DENND1C: variants seen among roughly 807,000 people sequenced by gnomAD.
DENND1C encodes DENN domain containing 1C, also known as DENN domain-containing protein 1C.
A neutral mutation model predicts 87.9 loss-of-function variants in DENND1C; 64 were observed. That is an observed-to-expected ratio of 0.73 (90% CI 0.60 to 0.90). The LOEUF is 0.90. Ranked by LOEUF, DENND1C falls within the 40% of genes least tolerant of loss-of-function variation. DENND1C has a pLI of 0.00. For synonymous variants in DENND1C, 384 were observed against 424.4 expected, an observed-to-expected ratio of 0.90 and a Z score of 1.17; for missense variants, 980 against 1,037.0, an observed-to-expected ratio of 0.95 and a Z score of 0.76.
In DENND1C at chr19:6,480,507, TATCC is replaced by T. The variant is rs755927403; in HGVS notation, c.18-460_18-457del. ...ATCTGTCTGTCTGTCTGTCTCTGTC[TATCC>T]ATCCATCCATCCATCCACCCACCCA... is the stretch of plus-strand genomic sequence containing the variant. On this transcript the variant is annotated intron_variant, in intron 1 of 22. Coordinates refer to ENST00000381480, the MANE Select transcript of DENND1C (RefSeq NM_024898.4). 171 of 979,892 alleles carry T rather than the reference TATCC, an allele frequency of 1.7e-4. 1 individual carries two copies. The highest frequency in any genetic ancestry group is 6.8e-4 in the East Asian group (6 of 8,786). 60.7% of individuals were successfully genotyped at this position (979,892 alleles called of 1,614,324 possible).
intron 6 of DENND1C, 130 bp from the exon 7 acceptor site, chr19:6,477,588 TTC>T: frequency 3.4e-5 from 12 of 353,976 alleles, no homozygotes; most frequent in East Asian, 4.0e-5. Context: ...GTTTTTTTTT[TTC>T]TTTCTTTAAA....
At position 6,471,418 on chromosome 19, in the gene DENND1C, C is replaced by A. The variant is rs201113925; in HGVS notation, c.1237G>T (p.Gly413Trp). The A allele has an allele frequency of 1.3e-6, 2 of 1,586,006 alleles. No homozygotes were observed. The highest frequency in any genetic ancestry group is 1.1e-5 in the South Asian group (1 of 87,280). ...ACTCAGGGCTCACCTGAGGAGGCCC[C>A]GCAGCCAGTGATCTCCTGCTCGAAT... ...DQFEQEITGC[G>W]ASSGALRSYQ... Residue 413 changes from glycine to tryptophan, a missense_variant, in exon 16 of 23, where the codon GGG becomes TGG. Physicochemically the swap from Gly to Trp is radical, Grantham distance 184 (BLOSUM62 -2). Transcript: ENST00000381480.
chr19:6,479,196 T>C (rs1599391876), intron 4 of DENND1C, 140 bp from the exon 5 acceptor site: 1 of 1,235,778 alleles, frequency 8.1e-7, no homozygotes, highest in Non-Finnish European at 1.1e-6. Context: ...TCCCTGGGTC[T>C]CAGAATCCCT....
chr19:6,474,851 C>T (rs965285946), intron 14 of DENND1C, among the ~76,000 whole-genome samples: 1 of 151,980 alleles, frequency 6.6e-6, no homozygotes, highest in African/African-American at 2.4e-5. Flanking sequence ...GGCAGATCAC[C>T]TGAGGTCAGG....
rs563361614 is a variant in DENND1C, at chr19:6,481,529, C to T, written c.17+150G>A. The T allele has an allele frequency of 3.6e-5, 39 of 1,084,020 alleles. No homozygotes were observed. In the African/African-American group the frequency reaches 4.0e-4, roughly 11 times the overall value. The allele number at this position is 1,084,020 out of a possible 1,614,324, so 67.2% of individuals were successfully genotyped here. ...GCCTGTCCCAGAGTGAAGGTCATAG[C>T]GGAGGCCCATGGAGTATCTGATTCC... On this transcript the variant is annotated intron_variant, in intron 1 of 22. Coordinates refer to ENST00000381480, the MANE Select transcript of DENND1C (RefSeq NM_024898.4).
At chr19:6,477,629 A>AATC (rs2092870759) in intron 6 of DENND1C, 171 bp from the exon 7 acceptor site, 1 of 228,352 alleles carries the variant, frequency 4.4e-6, no homozygotes, top group Non-Finnish European at 8.2e-6. Flanking sequence ...TAATAATAAT[A>AATC]ATAGAGACAA....
At position 6,477,232 on chromosome 19, in the gene DENND1C, C is replaced by T. The variant is rs778412903; in HGVS notation, c.499G>A (p.Gly167Arg). Reference sequence around the variant, plus strand: ...GCCCCGCTCACCGGCTTGCTATTCCCCCGGGTAGGGGGGGGGATACCCTGC... The same window carrying T: ...GCCCCGCTCACCGGCTTGCTATTCCTCCGGGTAGGGGGGGGGATACCCTGC... Reference protein sequence around the residue: ...SGQGIPPPTRGNSKPLSCFVA... With the variant: ...SGQGIPPPTRRNSKPLSCFVA... Residue 167 changes from glycine to arginine, a missense_variant, in exon 8 of 23, where the codon GGG becomes AGG. Transcript: ENST00000381480. The T allele has an allele frequency of 3.1e-5, 49 of 1,584,996 alleles. 1 individual carries two copies. In the Admixed American group the frequency reaches 8.3e-4, roughly 27 times the overall value.
chr19:6,478,910 C>G (rs2092879291), intron 5 of DENND1C, 27 bp downstream of exon 5: 1 of 1,613,874 alleles, frequency 6.2e-7, no homozygotes, highest in Non-Finnish European at 8.5e-7. Context: ...CTTTCCCATC[C>G]CCCCCTCCAA....
chr19:6,473,136 T>C (rs1489992954), intron 14 of DENND1C, 143 bp from the exon 15 acceptor site: 1 of 563,642 alleles, frequency 1.8e-6, no homozygotes, highest in Non-Finnish European at 2.9e-6. Flanking sequence ...CAGGGAGGAC[T>C]TAAGCTGTTT....
In DENND1C at chr19:6,472,918, GC is replaced by G. The variant is rs1568396271; in HGVS notation, c.1128del (p.Arg377GlyfsTer53). ...KPGAPLQAFH[R>X]RAVHLQLFKQ... is the part of the protein sequence containing the mutation. ...TTGAACAGCTGCAGGTGCACAGCCC[GC>G]CGGTGGAAGGCCTGCAGAGGTGCCC... is the stretch of plus-strand genomic sequence containing the variant. On this transcript the variant is annotated frameshift_variant, in exon 15 of 23. Transcript: ENST00000381480. LOFTEE classifies it high-confidence loss of function. The G allele has an allele frequency of 1.3e-6, 2 of 1,589,072 alleles. No homozygotes were observed.
At chr19:6,478,908 T>TC (rs768080654) in intron 5 of DENND1C, 29 bp downstream of exon 5, 15 of 1,612,730 alleles carry the variant, frequency 9.3e-6, no homozygotes, top group African/African-American at 1.3e-5. Context: ...GCCTTTCCCA[T>TC]CCCCCCCTCC....
rs749763600 is a variant in DENND1C at position 6,475,305 on chromosome 19, C to G, written c.1022G>C (p.Gly341Ala). ...LFLKAQALLF[G>A]GYRDALVCSP... ...GCAGACGAGTGCGTCGCGGTACCCC[C>G]CGAAGAGCAGGGCCTGGGCTTTGAG... Residue 341 changes from glycine to alanine, a missense_variant, in exon 14 of 23, where the codon GGG becomes GCG. Gly to Ala is a moderately conservative substitution (Grantham distance 60, BLOSUM62 0). Coordinates refer to ENST00000381480, the MANE Select transcript of DENND1C (RefSeq NM_024898.4). 11 of 1,613,288 alleles carry G rather than the reference C, an allele frequency of 6.8e-6. No homozygotes were observed. The East Asian group carries it at 2.2e-4, about 33-fold the overall frequency.
chr19:6,468,678 G>A (rs2092810570), intron 20 of DENND1C, 33 bp from the exon 21 acceptor site: 3 of 1,453,920 alleles, frequency 2.1e-6, no homozygotes, highest in Non-Finnish European at 2.7e-6. Context: ...GACCTCAGGA[G>A]ACTGCAGAAT....
intron 1 of DENND1C, among the ~76,000 whole-genome samples, chr19:6,481,174 G>T (rs981743534): frequency 3.3e-5 from 5 of 151,402 alleles, no homozygotes; most frequent in Admixed American, 2.0e-4. Flanking sequence ...AGCAGAAGAG[G>T]CAGCCTTGGG....
intron 6 of DENND1C, among the ~76,000 whole-genome samples, chr19:6,477,906 GTA>G (rs1293421539): frequency 2.7e-5 from 2 of 75,054 alleles, no homozygotes; most frequent in Non-Finnish European, 5.6e-5. Flanking sequence ...TCTGTTAAAA[GTA>G]CAAAAAAAAA....
At chr19:6,471,336 G>C in intron 16 of DENND1C, 31 bp from the exon 17 acceptor site, 2 of 1,595,178 alleles carry the variant, frequency 1.3e-6, no homozygotes, top group Admixed American at 1.8e-5. Context: ...GGTGGTCACC[G>C]AAGGCTGGCT....
At chr19:6,479,297 A>AGTCCCTGTG (rs2092883487) in intron 4 of DENND1C, among the ~76,000 whole-genome samples, 1 of 136,208 alleles carries the variant, frequency 7.3e-6, no homozygotes, top group African/African-American at 3.2e-5. Context: ...GGGTCCTTGA[A>AGTCCCTGTG]TCCCTAAGTC....
intron 12 of DENND1C, 37 bp downstream of exon 12, chr19:6,475,669 C>A: frequency 6.2e-7 from 1 of 1,609,414 alleles, no homozygotes; most frequent in South Asian, 1.1e-5. Flanking sequence ...AAGGGGGAAC[C>A]CTCACGTCCC....
chr19:6,470,278 G>A lies in DENND1C; in HGVS notation c.1362+17C>T, dbSNP rs763088327. 7 of 1,598,982 alleles carry A rather than the reference G, an allele frequency of 4.4e-6. No homozygotes were observed. In the Admixed American group the frequency reaches 1.0e-4, roughly 24 times the overall value. ...CTCGTCACCCCAGCAAGAGTGGCCT[G>A]TCCAGCTCAGCCTCACCGAGCGGTA... is the stretch of plus-strand genomic sequence containing the variant. On this transcript the variant is annotated intron_variant, in intron 18 of 22. Transcript: ENST00000381480.
Sources: gnomAD v4.1 joint callset for allele counts (sites outside exome capture counted in the v4.1 genomes callset) on GRCh38, gnomAD v4.1.1 for gene constraint, MANE v1.5 for transcripts, NCBI Gene and HGNC (gene_info 2026-07-23, HGNC 2026-07-21) for gene names.